Variants in NTNG1 observed in about 807,000 individuals in gnomAD.
NTNG1 encodes the protein netrin G1, also known as netrin-G1.
Under a neutral mutation model 54.0 loss-of-function variants are expected in NTNG1, and 16 were observed. The observed-to-expected ratio is 0.30, with a 90% confidence interval of 0.20 to 0.45. The LOEUF is 0.45. Ranked by LOEUF, NTNG1 falls within the 20% of genes least tolerant of loss-of-function variation. The pLI, the probability that NTNG1 is intolerant of heterozygous loss-of-function variation, is 1.00. For missense variants in NTNG1, 530 were observed against 678.7 expected (o/e 0.78, Z 2.43); for synonymous variants, 255 against 263.1 (o/e 0.97, Z 0.30).
chr1:107,255,061 C>T (rs1662843204), intron 2 of NTNG1, among the ~76,000 whole-genome samples: 1 of 152,112 alleles, frequency 6.6e-6, no homozygotes, highest in South Asian at 2.1e-4. Flanking sequence ...ATACCTAGGA[C>T]TTTTAATACT....
chr1:107,413,638 A>G (rs1478233120), intron 5 of NTNG1, among the ~76,000 whole-genome samples: 3 of 152,128 alleles, frequency 2.0e-5, no homozygotes, highest in Non-Finnish European at 4.4e-5. Flanking sequence ...TCATCGTGGT[A>G]TCCTGTTTCT....
At chr1:107,400,427 T>A (rs1672947470) in intron 4 of NTNG1, among the ~76,000 whole-genome samples, 1 of 152,162 alleles carries the variant, frequency 6.6e-6, no homozygotes, top group Non-Finnish European at 1.5e-5. Flanking sequence ...TTTATTGGTT[T>A]AAATCCCCAC....
At chr1:107,140,768 A>T (rs1173294242), upstream of NTNG1, 1 of 95,038 alleles carries the variant, frequency 1.1e-5, no homozygotes, top group African/African-American at 9.5e-5. Flanking sequence ...AAAAAAAAAA[A>T]AGAGGAAAAA....
At chr1:107,144,323 A>T (rs1256449915) in intron 1 of NTNG1, among the ~76,000 whole-genome samples, 2 of 152,004 alleles carry the variant, frequency 1.3e-5, no homozygotes, top group Non-Finnish European at 2.9e-5. Flanking sequence ...TAAAATTCTT[A>T]ATGTGAATGA....
At chr1:107,274,484 A>G (rs56360222) in intron 2 of NTNG1, among the ~76,000 whole-genome samples, 16,957 of 152,240 alleles carry the variant, frequency 0.11, 1,783 homozygotes, top group African/African-American at 0.28. Context: ...CCTATGAATT[A>G]GGTACTATTA....
intron 2 of NTNG1, among the ~76,000 whole-genome samples, chr1:107,238,093 T>C (rs1415993714): frequency 6.6e-6 from 1 of 152,154 alleles, no homozygotes. Context: ...GGAGGGATAC[T>C]ATACCCTGCA....
At chr1:107,377,092 T>C (rs559811468) in intron 3 of NTNG1, among the ~76,000 whole-genome samples, 1 of 152,336 alleles carries the variant, frequency 6.6e-6, no homozygotes, top group South Asian at 2.1e-4. Context: ...ATGGGGCCAG[T>C]TGAGCTGCTT....
chr1:107,400,608 G>C (rs1273612792), intron 4 of NTNG1, among the ~76,000 whole-genome samples: 1 of 151,580 alleles, frequency 6.6e-6, no homozygotes, highest in Non-Finnish European at 1.5e-5. Flanking sequence ...TTAAGAATAG[G>C]TCCATGTTTT....
intron 2 of NTNG1, among the ~76,000 whole-genome samples, chr1:107,172,656 A>T (rs950321986): frequency 3.0e-4 from 46 of 152,294 alleles, no homozygotes; most frequent in African/African-American, 1.1e-3. Flanking sequence ...GCTGTGGCGA[A>T]TACTGACTAT....
At chr1:107,177,885 C>T (rs1656766851) in intron 2 of NTNG1, among the ~76,000 whole-genome samples, 1 of 152,140 alleles carries the variant, frequency 6.6e-6, no homozygotes, top group Non-Finnish European at 1.5e-5. Flanking sequence ...AATCAACTTT[C>T]AGGACCACAT....
intron 3 of NTNG1, among the ~76,000 whole-genome samples, chr1:107,337,341 A>T (rs933443331): frequency 6.6e-6 from 1 of 152,040 alleles, no homozygotes; most frequent in Admixed American, 6.6e-5. Context: ...CATTATGCTA[A>T]GTGAAATAAG....
At position 107,357,468 on chromosome 1, in the gene NTNG1, A is replaced by G. The variant is rs1011623702; in HGVS notation, c.887+32546A>G. ...ACCCCAAAATCTCCATAAACATATG[A>G]GAGCTCAGCTTTTAATTTTAACTAC... is the stretch of plus-strand genomic sequence containing the variant. On this transcript the variant is annotated intron_variant, in intron 3 of 7. Coordinates refer to ENST00000370068, the MANE Select transcript of NTNG1 (RefSeq NM_001113226.3). Among the ~76,000 whole-genome samples, 27 of 152,216 alleles carry G rather than the reference A, an allele frequency of 1.8e-4. 1 individual carries two copies. The highest frequency in any genetic ancestry group is 1.6e-3 in the Admixed American group (24 of 15,282).
At chr1:107,257,301 C>A (rs1662994798) in intron 2 of NTNG1, among the ~76,000 whole-genome samples, 1 of 152,076 alleles carries the variant, frequency 6.6e-6, no homozygotes, top group Non-Finnish European at 1.5e-5. Flanking sequence ...AAAAGTATCC[C>A]AAGACTGTAG....
intron 2 of NTNG1, among the ~76,000 whole-genome samples, chr1:107,208,201 G>A (rs976871834): frequency 5.3e-5 from 8 of 152,132 alleles, no homozygotes; most frequent in East Asian, 1.9e-4. Flanking sequence ...AGGCCAAGAC[G>A]GGCTGATCAC....
At chr1:107,143,815 T>C (rs1653916846) in intron 1 of NTNG1, among the ~76,000 whole-genome samples, 1 of 152,098 alleles carries the variant, frequency 6.6e-6, no homozygotes, top group Non-Finnish European at 1.5e-5. Context: ...TCTTCTAGGC[T>C]TAACTGATTC....
At chr1:107,346,975 G>A (rs1433818842) in intron 3 of NTNG1, among the ~76,000 whole-genome samples, 2 of 151,060 alleles carry the variant, frequency 1.3e-5, no homozygotes, top group East Asian at 3.9e-4. Flanking sequence ...AGCAGCTACA[G>A]CATGTTTTAG....
intron 2 of NTNG1, among the ~76,000 whole-genome samples, chr1:107,291,861 A>G (rs1289929261): frequency 6.6e-6 from 1 of 152,222 alleles, no homozygotes; most frequent in Non-Finnish European, 1.5e-5. Flanking sequence ...AAAAACATTC[A>G]TAAGAAATAT....
chr1:107,142,786 G>A (rs1013190483), intron 1 of NTNG1, among the ~76,000 whole-genome samples: 52 of 150,480 alleles, frequency 3.5e-4, no homozygotes, highest in African/African-American at 1.2e-3. Flanking sequence ...TTTTTTCAGG[G>A]GAGGCTTTTC....
intron 2 of NTNG1, among the ~76,000 whole-genome samples, chr1:107,151,830 T>C (rs980701569): frequency 6.6e-6 from 1 of 152,182 alleles, no homozygotes; most frequent in African/African-American, 2.4e-5. Context: ...ACAATAGATC[T>C]CTGCTTATTA....
Sources: gnomAD v4.1 joint callset for allele counts (sites outside exome capture counted in the v4.1 genomes callset) on GRCh38, gnomAD v4.1.1 for gene constraint, MANE v1.5 for transcripts, NCBI Gene and HGNC (gene_info 2026-07-23, HGNC 2026-07-21) for gene names.